Variants in NOL4 observed in about 807,000 individuals in gnomAD.
NOL4 encodes nucleolar protein 4.
Under a neutral mutation model 75.9 loss-of-function variants are expected in NOL4, and 17 were observed. That is an observed-to-expected ratio of 0.22 (90% CI 0.15 to 0.34). NOL4 has a LOEUF of 0.34. NOL4 is among the 10% of genes least tolerant of loss of function. The pLI is 1.00. For synonymous variants in NOL4, 292 were observed against 289.9 expected (o/e 1.01, Z -0.07); for missense variants, 614 against 793.5 (o/e 0.77, Z 2.72).
In NOL4 at chr18:33,958,314, G is replaced by A. The variant is rs1247798758; in HGVS notation, c.1161C>T (p.Asp387=). 3 of 1,613,764 alleles carry A rather than the reference G, an allele frequency of 1.9e-6. No individual in the cohort carries two copies. The highest frequency in any genetic ancestry group is 2.2e-5 in the East Asian group (1 of 44,840). The change falls in exon 7 of 11, where the codon GAC becomes GAT. Residue 387 remains aspartate, a synonymous_variant. Coordinates refer to ENST00000261592, the MANE Select transcript of NOL4 (RefSeq NM_003787.5). ...SLNRGDEDED[D]HEDHDDSEKV... is the part of the protein sequence containing the mutation. ...TCTCCGAATCGTCATGGTCCTCGTG[G>A]TCATCTTCGTCCTCATCTCCCCTGT...
intron 5 of NOL4, among the ~76,000 whole-genome samples, chr18:34,038,920 G>C (rs1236815875): frequency 6.6e-6 from 1 of 152,036 alleles, no homozygotes; most frequent in Non-Finnish European, 1.5e-5. Context: ...TCAAGGTGAT[G>C]AAATGATAAA....
chr18:34,113,813 C>T lies in NOL4; in HGVS notation c.415-8653G>A, dbSNP rs2079722153. Among the ~76,000 whole-genome samples the T allele has an allele frequency of 3.9e-5, 6 of 152,166 alleles. No homozygotes were observed. The South Asian group carries it at 1.2e-3, about 32-fold the overall frequency. ...CATTGAAAGCCTATGTGCCAATCCT[C>T]TTCCAACTTGAGGCCTATGTTAAGT... On this transcript the variant is annotated intron_variant, in intron 2 of 10. Coordinates refer to ENST00000261592, the MANE Select transcript of NOL4 (RefSeq NM_003787.5).
intron 6 of NOL4, among the ~76,000 whole-genome samples, chr18:33,970,971 A>C (rs982739554): frequency 1.4e-4 from 21 of 152,182 alleles, no homozygotes; most frequent in African/African-American, 4.8e-4. Flanking sequence ...GTGGGATTCC[A>C]ATAAAAGAAG....
At chr18:34,036,547 C>G (rs2075907844) in intron 5 of NOL4, among the ~76,000 whole-genome samples, 1 of 152,098 alleles carries the variant, frequency 6.6e-6, no homozygotes, top group Admixed American at 6.6e-5. Context: ...AGATATGAAA[C>G]AAGACAAGGA....
At chr18:33,973,038 T>C (rs906975946) in intron 6 of NOL4, among the ~76,000 whole-genome samples, 1 of 152,224 alleles carries the variant, frequency 6.6e-6, no homozygotes, top group African/African-American at 2.4e-5. Context: ...ACATGTGAGG[T>C]TGTTTGATAG....
chr18:33,996,567 T>C (rs1174081478), intron 6 of NOL4, among the ~76,000 whole-genome samples: 1 of 151,818 alleles, frequency 6.6e-6, no homozygotes, highest in East Asian at 1.9e-4. Context: ...TTCAACACTT[T>C]CCCTCTTCCA....
chr18:33,852,338 G>A lies in NOL4; in HGVS notation c.*504C>T, dbSNP rs954254239. On this transcript the variant is annotated 3_prime_UTR_variant, in exon 11 of 11. Transcript: ENST00000261592. ...AATGACAAGTTTGAATGAAAAACAAGTTTTCTTTTTATAAAAATTACATAT... is the reference window on the plus strand; with the variant it reads ...AATGACAAGTTTGAATGAAAAACAAATTTTCTTTTTATAAAAATTACATAT... 5 of 151,212 alleles carry A rather than the reference G, an allele frequency of 3.3e-5. No homozygotes were observed. Among genetic ancestry groups the A allele is most frequent in the African/African-American group, 1.2e-4 (5 of 41,012 alleles). 9.4% of individuals were successfully genotyped at this position (151,212 alleles called of 1,614,324 possible).
chr18:33,861,140 T>C (rs1804731293), intron 10 of NOL4, among the ~76,000 whole-genome samples: 1 of 152,202 alleles, frequency 6.6e-6, no homozygotes, highest in Non-Finnish European at 1.5e-5. Flanking sequence ...AGGATGATGG[T>C]GGCCTCATAA....
chr18:33,925,486 A>G (rs2067269854), intron 9 of NOL4, among the ~76,000 whole-genome samples: 1 of 152,204 alleles, frequency 6.6e-6, no homozygotes, highest in African/African-American at 2.4e-5. Context: ...AGAGACTCAA[A>G]AAATCCTGAC....
rs1408844620 is a variant in NOL4, at chr18:33,960,221, GT to G, written c.1057-1804del. On this transcript the variant is annotated intron_variant, in intron 6 of 10. Transcript: ENST00000261592. Reference sequence around the variant, plus strand: ...ATAATTTATTAGTGCTTCATACACAGTTTTGCTTATTTGTTTTGCTGGATAA... The same window carrying G: ...ATAATTTATTAGTGCTTCATACACAGTTTGCTTATTTGTTTTGCTGGATAA... Among the ~76,000 whole-genome samples the G allele has an allele frequency of 3.3e-5, 5 of 151,988 alleles. No homozygotes were observed. In the South Asian group the frequency reaches 1.0e-3, roughly 32 times the overall value.
intron 1 of NOL4, among the ~76,000 whole-genome samples, chr18:34,176,338 T>C (rs1410806387): frequency 6.6e-6 from 1 of 151,950 alleles, no homozygotes; most frequent in Non-Finnish European, 1.5e-5. Flanking sequence ...GCCTGCAAGA[T>C]ATCATCAATC....
chr18:34,194,582 T>C (rs1357335170), intron 1 of NOL4, among the ~76,000 whole-genome samples: 2 of 152,168 alleles, frequency 1.3e-5, no homozygotes, highest in Admixed American at 1.3e-4. Flanking sequence ...ATTACCAGCA[T>C]TTCAAAGTGT....
rs116281251 is a variant in NOL4 at position 33,928,373 on chromosome 18, A to G, written c.1542+14692T>C. ...AAAAATTTAAAACATCAAATTTTCC[A>G]TATAAATGTGGGAGAATGCTTAATG... On this transcript the variant is annotated intron_variant, in intron 9 of 10. Coordinates refer to ENST00000261592, the MANE Select transcript of NOL4 (RefSeq NM_003787.5). 9.3e-3 allele frequency among the ~76,000 whole-genome samples: 1,421 copies of G among 152,304 alleles called. 25 individuals are homozygous for G. Among genetic ancestry groups the G allele is most frequent in the African/African-American group, 0.033 (1,363 of 41,566 alleles).
intron 9 of NOL4, among the ~76,000 whole-genome samples, chr18:33,940,363 T>C (rs1327408496): frequency 6.6e-6 from 1 of 152,060 alleles, no homozygotes; most frequent in Non-Finnish European, 1.5e-5. Context: ...TGGAATACTA[T>C]GCAGCCATAT....
chr18:33,903,252 T>C (rs2065845347), intron 9 of NOL4, among the ~76,000 whole-genome samples: 1 of 152,060 alleles, frequency 6.6e-6, no homozygotes. Flanking sequence ...AGGGGGAAAC[T>C]TCCACTTTTT....
rs58940650 is a variant in NOL4, at chr18:34,099,362, C to CA, written c.639+4684dup. On this transcript the variant is annotated intron_variant, in intron 4 of 10. Coordinates refer to ENST00000261592, the MANE Select transcript of NOL4 (RefSeq NM_003787.5). ...TAGGCAACAGAGTGAGACTTTGTCT[C>CA]AAAAAAAAAAAAAAAGACAACTACG... Among the ~76,000 whole-genome samples the CA allele has an allele frequency of 3.5e-3, 280 of 80,024 alleles. 17 individuals are homozygous for CA. Among genetic ancestry groups the CA allele is most frequent in the South Asian group, 0.014 (30 of 2,220 alleles). The allele number at this position is 80,024 out of a possible 152,430, so 52.5% of individuals were successfully genotyped here.
chr18:33,855,281 C>T (rs1004494295), intron 10 of NOL4, among the ~76,000 whole-genome samples: 2 of 152,076 alleles, frequency 1.3e-5, no homozygotes, highest in South Asian at 4.1e-4. Flanking sequence ...TCATTTCTGC[C>T]TCATTGAGTG....
chr18:33,914,684 C>T (rs1282064856), intron 9 of NOL4, among the ~76,000 whole-genome samples: 1 of 151,900 alleles, frequency 6.6e-6, no homozygotes, highest in Admixed American at 6.6e-5. Context: ...GAAGGTAGTG[C>T]CAAAGGATTG....
chr18:34,007,256 T>G (rs975502890), intron 6 of NOL4, among the ~76,000 whole-genome samples: 13 of 152,016 alleles, frequency 8.6e-5, no homozygotes, highest in Admixed American at 5.9e-4. Context: ...AGGAAGAGTA[T>G]GTTTGGAATA....
Sources: allele counts gnomAD v4.1 joint callset (sites outside exome capture counted in the v4.1 genomes callset), GRCh38; gene constraint gnomAD v4.1.1; transcripts MANE v1.5; gene names NCBI Gene and HGNC (gene_info 2026-07-23, HGNC 2026-07-21).